Variants in MAPK10 observed in about 807,000 individuals in gnomAD.
MAPK10 encodes mitogen-activated protein kinase 10, also known as JNK3 alpha protein kinase.
Under a neutral mutation model 59.3 loss-of-function variants are expected in MAPK10, and 25 were observed. The observed-to-expected ratio is 0.42, with a 90% confidence interval of 0.31 to 0.59. MAPK10 has a LOEUF of 0.59. MAPK10 is among the 20% of genes least tolerant of loss of function. MAPK10 has a pLI of 0.15. For missense variants in MAPK10, 351 were observed against 568.9 expected (o/e 0.62, Z 3.90); for synonymous variants, 190 against 200.5 (o/e 0.95, Z 0.44).
At chr4:86,209,429 G>C (rs1289138845) in intron 2 of MAPK10, among the ~76,000 whole-genome samples, 1 of 151,992 alleles carries the variant, frequency 6.6e-6, no homozygotes, top group East Asian at 1.9e-4. Flanking sequence ...AACTATTTTG[G>C]AACTCTGGAG....
At chr4:86,147,361 T>C (rs868538887) in intron 4 of MAPK10, among the ~76,000 whole-genome samples, 9 of 152,148 alleles carry the variant, frequency 5.9e-5, no homozygotes, top group Non-Finnish European at 7.4e-5. Context: ...AATGTCTTTT[T>C]CCTTTATTTC....
intron 2 of MAPK10, among the ~76,000 whole-genome samples, chr4:86,294,426 T>C (rs2095305697): frequency 6.6e-6 from 1 of 152,234 alleles, no homozygotes; most frequent in African/African-American, 2.4e-5. Context: ...ATAGGTTAAG[T>C]TGTGAAAGGC....
chr4:86,203,537 T>TA (rs1246939878), intron 2 of MAPK10, among the ~76,000 whole-genome samples: 3 of 149,892 alleles, frequency 2.0e-5, no homozygotes, highest in African/African-American at 4.9e-5. Context: ...ACTAATTATT[T>TA]AAAAAAAAAG....
intron 2 of MAPK10, among the ~76,000 whole-genome samples, chr4:86,289,471 TC>T (rs1301873114): frequency 6.6e-5 from 10 of 152,002 alleles, no homozygotes; most frequent in African/African-American, 1.9e-4. Context: ...GGAGACAGTT[TC>T]TATATTTATG....
intron 1 of MAPK10, among the ~76,000 whole-genome samples, chr4:86,573,980 G>T (rs1761667065): frequency 6.6e-6 from 1 of 152,060 alleles, no homozygotes; most frequent in Non-Finnish European, 1.5e-5. Flanking sequence ...ATGTATACAG[G>T]TGCCATGCTG....
At position 86,017,182 on chromosome 4, in the gene MAPK10, C is replaced by T. The variant is rs1471439231; in HGVS notation, c.*46G>A. 2 of 1,600,072 alleles carry T rather than the reference C, an allele frequency of 1.2e-6. No individual in the cohort carries two copies. The highest frequency in any genetic ancestry group is 1.3e-5 in the African/African-American group (1 of 74,712). ...GTGTCTGCGTGTGTGTGTGTTCCATCACATCATCTCCTGAAGAACGCTGGG... is the reference window on the plus strand; with the variant it reads ...GTGTCTGCGTGTGTGTGTGTTCCATTACATCATCTCCTGAAGAACGCTGGG... On this transcript the variant is annotated 3_prime_UTR_variant, in exon 14 of 14. Transcript: ENST00000641462. The surrounding 1 kb of genome is among the most constrained non-coding windows in gnomAD (Gnocchi z 4.4).
intron 1 of MAPK10, among the ~76,000 whole-genome samples, chr4:86,528,838 A>C (rs1337929773): frequency 6.6e-6 from 1 of 152,218 alleles, no homozygotes; most frequent in Non-Finnish European, 1.5e-5. Flanking sequence ...TCTCATTCAG[A>C]TATTTCAGAC....
chr4:86,012,422 G>A lies in MAPK10; in HGVS notation c.*4806C>T, dbSNP rs920466755. ...GTCGTTACATGCAACTCAAGACAAC[G>A]AGCAGCATCATAACCATTGTCAACA... On this transcript the variant is annotated 3_prime_UTR_variant, in exon 14 of 14. Coordinates refer to ENST00000641462, the MANE Select transcript of MAPK10 (RefSeq NM_138982.4). 3 of 152,118 alleles carry A rather than the reference G, an allele frequency of 2.0e-5. No individual in the cohort carries two copies. The highest frequency in any genetic ancestry group is 4.8e-5 in the African/African-American group (2 of 41,426). 9.4% of individuals were successfully genotyped at this position (152,118 alleles called of 1,614,324 possible).
intron 4 of MAPK10, 179 bp from the exon 5 acceptor site, chr4:86,107,531 T>G: frequency 8.0e-7 from 1 of 1,253,746 alleles, no homozygotes. Flanking sequence ...AAGAATATTC[T>G]ACATGCTAGG....
intron 1 of MAPK10, among the ~76,000 whole-genome samples, chr4:86,385,145 C>T (rs1741300737): frequency 6.6e-6 from 1 of 151,844 alleles, no homozygotes; most frequent in Non-Finnish European, 1.5e-5. Context: ...ATATCTTTCT[C>T]AGTTTTAGAA....
intron 11 of MAPK10, among the ~76,000 whole-genome samples, chr4:86,033,791 G>A (rs1014273327): frequency 3.3e-5 from 5 of 152,140 alleles, no homozygotes; most frequent in African/African-American, 7.2e-5. Flanking sequence ...GAGGAAATGC[G>A]AATGTCACCT....
At chr4:86,529,182 G>A (rs1757688708) in intron 1 of MAPK10, among the ~76,000 whole-genome samples, 1 of 152,216 alleles carries the variant, frequency 6.6e-6, no homozygotes, top group Admixed American at 6.5e-5. Context: ...GCTCGATGAG[G>A]ACCAGAGGTG....
chr4:86,037,261 C>T (rs1426134672), intron 11 of MAPK10, among the ~76,000 whole-genome samples: 1 of 152,148 alleles, frequency 6.6e-6, no homozygotes, highest in Admixed American at 6.6e-5. Context: ...CTCTTTCTGC[C>T]TGTAATCCCA....
At chr4:86,546,512 G>A (rs944330166) in intron 1 of MAPK10, among the ~76,000 whole-genome samples, 6 of 150,356 alleles carry the variant, frequency 4.0e-5, no homozygotes, top group African/African-American at 1.2e-4. Flanking sequence ...AGACGAGATC[G>A]CGCTACTGCA....
intron 6 of MAPK10, chr4:86,102,972 C>A: frequency 2.6e-6 from 1 of 380,388 alleles, no homozygotes; most frequent in Admixed American, 4.2e-5. Flanking sequence ...AATGTCTTTC[C>A]AGGAAGTAAC....
chr4:86,197,673 G>A (rs2081655015), intron 2 of MAPK10, among the ~76,000 whole-genome samples: 1 of 152,084 alleles, frequency 6.6e-6, no homozygotes, highest in Non-Finnish European at 1.5e-5. Flanking sequence ...GTAGGAGGAA[G>A]CAAAATAATC....
intron 6 of MAPK10, chr4:86,102,418 C>A (rs1398560263): frequency 6.0e-6 from 1 of 168,044 alleles, no homozygotes; most frequent in African/African-American, 2.4e-5. Context: ...CACTTCCTCT[C>A]CTCCATCTGT....
chr4:86,283,657 A>G (rs2094900125), intron 2 of MAPK10, among the ~76,000 whole-genome samples: 1 of 152,188 alleles, frequency 6.6e-6, no homozygotes, highest in African/African-American at 2.4e-5. Flanking sequence ...TGATGCTGAC[A>G]AAAGGGAGTG....
chr4:86,067,933 T>C lies in MAPK10; in HGVS notation c.825A>G (p.Val275=). The change falls in exon 10 of 14, where the codon GTA becomes GTG. Residue 275 remains valine (V), a synonymous_variant. Coordinates refer to ENST00000641462, the MANE Select transcript of MAPK10 (RefSeq NM_138982.4). ...GACATGGTGTTCCTAGTTGTTCAAT[T>C]ACCTTATTCCACTGGTCAATATCTG... The part of the protein sequence containing the change: ...GRDYIDQWNK[V]IEQLGTPCPE... 6.2e-7 allele frequency: 1 copy of C among 1,612,144 alleles called. No homozygotes were observed. Among genetic ancestry groups the C allele is most frequent in the Non-Finnish European group, 8.5e-7 (1 of 1,178,928 alleles).
Sources: allele counts gnomAD v4.1 joint callset (sites outside exome capture counted in the v4.1 genomes callset), GRCh38; gene constraint gnomAD v4.1.1; non-coding constraint Gnocchi (gnomAD v3.1); transcripts MANE v1.5; gene names NCBI Gene and HGNC (gene_info 2026-07-23, HGNC 2026-07-21).